The following KBTBD12 variants were observed in gnomAD, a reference collection of about 807,000 sequenced individuals.
The protein encoded by KBTBD12 is kelch repeat and BTB domain-containing protein 12.
In KBTBD12, 53 loss-of-function variants were observed where a neutral mutation model predicts 58.7. The observed-to-expected ratio is 0.90, with a 90% CI of 0.72 to 1.14. The LOEUF (loss-of-function observed/expected upper bound fraction) is 1.14, where lower values mean the gene tolerates loss of function less well. KBTBD12 is among the 50% of genes most tolerant of loss of function. The pLI is 0.00. For missense variants in KBTBD12, 704 were observed against 751.3 expected (o/e 0.94, Z 0.74); for synonymous variants, 236 against 259.8 (o/e 0.91, Z 0.88).
chr3:127,937,722 A>G (rs1939858465), intron 4 of KBTBD12, among the ~76,000 whole-genome samples: 2 of 152,292 alleles, frequency 1.3e-5, no homozygotes, highest in South Asian at 4.1e-4. Flanking sequence ...TGCCAAGCAC[A>G]ACAAACAAAC....
intron 5 of KBTBD12, among the ~76,000 whole-genome samples, chr3:127,973,501 A>G (rs1940718651): frequency 6.6e-6 from 1 of 152,232 alleles, no homozygotes; most frequent in Non-Finnish European, 1.5e-5. Context: ...ATTCAATTTT[A>G]TAGAATTAAT....
At chr3:127,974,577 AC>A (rs1940744285) in intron 5 of KBTBD12, among the ~76,000 whole-genome samples, 1 of 152,204 alleles carries the variant, frequency 6.6e-6, no homozygotes, top group Non-Finnish European at 1.5e-5. Flanking sequence ...CTGGAGACTC[AC>A]CACATTCATT....
At chr3:127,918,773 T>A (rs1234175597) in intron 1 of KBTBD12, among the ~76,000 whole-genome samples, 1 of 151,534 alleles carries the variant, frequency 6.6e-6, no homozygotes, top group East Asian at 1.9e-4. Flanking sequence ...GCGTTAGAAC[T>A]GTAGTAGTTT....
At chr3:127,945,240 A>G (rs1198943824) in intron 4 of KBTBD12, among the ~76,000 whole-genome samples, 1 of 117,186 alleles carries the variant, frequency 8.5e-6, no homozygotes, top group Non-Finnish European at 1.6e-5. Flanking sequence ...GCTGGAGTGC[A>G]GTGGCATGAT....
chr3:127,941,746 C>T (rs1024298229), intron 4 of KBTBD12, among the ~76,000 whole-genome samples: 9 of 152,120 alleles, frequency 5.9e-5, no homozygotes, highest in African/African-American at 1.4e-4. Flanking sequence ...GTTACAGGCA[C>T]CTGCCATCAC....
chr3:127,916,860 T>C (rs894004309), intron 1 of KBTBD12, among the ~76,000 whole-genome samples: 3 of 152,140 alleles, frequency 2.0e-5, no homozygotes, highest in African/African-American at 7.2e-5. Flanking sequence ...CTGGGTGTCA[T>C]AGTGCATCAC....
intron 5 of KBTBD12, among the ~76,000 whole-genome samples, chr3:127,982,830 T>C (rs550562610): frequency 4.8e-4 from 73 of 152,230 alleles, no homozygotes; most frequent in Non-Finnish European, 9.6e-4. Context: ...CTGTGATTAG[T>C]GCTGGGTACT....
chr3:127,972,844 C>G (rs987615559), intron 5 of KBTBD12, among the ~76,000 whole-genome samples: 2 of 152,100 alleles, frequency 1.3e-5, no homozygotes, highest in Non-Finnish European at 2.9e-5. Context: ...GAATCAAAAG[C>G]CAGGTAATAA....
intron 4 of KBTBD12, among the ~76,000 whole-genome samples, chr3:127,941,109 C>A (rs185624021): frequency 6.6e-6 from 1 of 152,028 alleles, no homozygotes; most frequent in African/African-American, 2.4e-5. Context: ...TGAATTTAAC[C>A]AAGCATTTAA....
chr3:127,978,311 C>T (rs1940818985), intron 5 of KBTBD12, among the ~76,000 whole-genome samples: 1 of 152,164 alleles, frequency 6.6e-6, no homozygotes, highest in African/African-American at 2.4e-5. Flanking sequence ...CACACTCCAC[C>T]CTGTCTGTCC....
At chr3:127,982,674 C>T (rs531661620) in intron 5 of KBTBD12, among the ~76,000 whole-genome samples, 1 of 152,326 alleles carries the variant, frequency 6.6e-6, no homozygotes, top group South Asian at 2.1e-4. Context: ...GGTATTTGCC[C>T]TCCCTGCTGC....
Position 127,923,728 on chromosome 3 carries a change from G to T in KBTBD12, c.667G>T (p.Glu223Ter). The T allele has an allele frequency of 1.2e-6, 2 of 1,613,834 alleles. No individual in the cohort carries two copies. The highest frequency in any genetic ancestry group is 1.7e-6 in the Non-Finnish European group (2 of 1,179,816). ...TGAGCTTTTGAAGCAAGTCAGATTG[G>T]AACTTGTAAATCCTTCTTTTTTAAG... is the stretch of plus-strand genomic sequence containing the variant. ...LVELLKQVRLELVNPSFLRQA... is the reference protein window; with the variant it reads ...LVELLKQVRL Residue 223 changes from glutamate (E) to a stop codon, truncating the protein, a stop_gained, in exon 2 of 6, where the codon GAA becomes TAA. Coordinates refer to ENST00000405109, the MANE Select transcript of KBTBD12 (RefSeq NM_207335.4). LOFTEE classifies it high-confidence loss of function.
chr3:127,962,786 T>C (rs1029574180), intron 4 of KBTBD12, among the ~76,000 whole-genome samples: 1 of 152,042 alleles, frequency 6.6e-6, no homozygotes, highest in African/African-American at 2.4e-5. Flanking sequence ...AAGAACACAT[T>C]CCTAGCTAGC....
intron 3 of KBTBD12, among the ~76,000 whole-genome samples, chr3:127,928,968 TTTCATCACAGCTAG>T (rs1939638583): frequency 6.6e-6 from 1 of 152,220 alleles, no homozygotes; most frequent in South Asian, 2.1e-4. Context: ...GTAGTACAGA[TTTCATCACAGCTAG>T]CAGGAGAAAC....
intron 2 of KBTBD12, among the ~76,000 whole-genome samples, chr3:127,924,454 T>C (rs965830204): frequency 6.6e-6 from 1 of 150,984 alleles, no homozygotes; most frequent in South Asian, 2.1e-4. Flanking sequence ...TTTTTTCTCT[T>C]CCTTTGTTAA....
intron 4 of KBTBD12, among the ~76,000 whole-genome samples, chr3:127,936,272 A>AGGAGAATCTCTT (rs2107596383): frequency 6.6e-6 from 1 of 152,170 alleles, no homozygotes; most frequent in Admixed American, 6.5e-5. Flanking sequence ...AGGCTGTGGC[A>AGGAGAATCTCTT]GGAGAATCTC....
chr3:127,937,016 G>A (rs1237892544), intron 4 of KBTBD12, among the ~76,000 whole-genome samples: 1 of 152,114 alleles, frequency 6.6e-6, no homozygotes, highest in Non-Finnish European at 1.5e-5. Flanking sequence ...AGTGTGGTCA[G>A]GTACCTGGAA....
chr3:127,978,561 T>G (rs563575965), intron 5 of KBTBD12, among the ~76,000 whole-genome samples: 1 of 152,208 alleles, frequency 6.6e-6, no homozygotes, highest in Non-Finnish European at 1.5e-5. Context: ...CTTTTTCTGT[T>G]CCAAGGAGGA....
chr3:127,986,534 A>T lies in KBTBD12; in HGVS notation c.*2256A>T, dbSNP rs1184379272. On this transcript the variant is annotated 3_prime_UTR_variant, in exon 6 of 6. Transcript: ENST00000405109. ...GAGTCTCTCTCTCTCGCCAGGCTGG[A>T]GTGCAGTGCAGTGGCACGATCTCAG... is the stretch of plus-strand genomic sequence containing the variant. 1 of 141,142 alleles carries T rather than the reference A, an allele frequency of 7.1e-6. No individual in the cohort carries two copies. Among genetic ancestry groups the T allele is most frequent in the African/African-American group, 2.7e-5 (1 of 36,794 alleles). 8.7% of individuals were successfully genotyped at this position (141,142 alleles called of 1,614,324 possible).
Sources: allele counts gnomAD v4.1 joint callset (sites outside exome capture counted in the v4.1 genomes callset), GRCh38; gene constraint gnomAD v4.1.1; transcripts MANE v1.5; gene names NCBI Gene and HGNC (gene_info 2026-07-23, HGNC 2026-07-21).